THADA: variants seen among roughly 807,000 people sequenced by gnomAD.
THADA encodes THADA armadillo repeat containing, also known as tRNA (32-2'-O)-methyltransferase regulator THADA.
A neutral mutation model predicts 219.8 loss-of-function variants in THADA; 213 were observed. That is an observed-to-expected ratio of 0.97 (90% CI 0.87 to 1.09). The LOEUF (loss-of-function observed/expected upper bound fraction) is 1.09, where lower values mean the gene tolerates loss of function less well. Among genes scored for constraint, THADA ranks in the 50% least tolerant of loss-of-function variants. THADA has a pLI of 0.00. For missense variants in THADA, 2,956 were observed against 2,311.3 expected (o/e 1.28, Z -5.72); for synonymous variants, 1,018 against 828.9 (o/e 1.23, Z -3.92).
intron 29 of THADA, among the ~76,000 whole-genome samples, chr2:43,387,550 T>C (rs1672841384): frequency 6.6e-6 from 1 of 152,128 alleles, no homozygotes; most frequent in South Asian, 2.1e-4. Context: ...TCTTTGGTGG[T>C]TGCTGGTATT....
At chr2:43,370,542 T>C (rs1670680889) in intron 29 of THADA, among the ~76,000 whole-genome samples, 2 of 152,270 alleles carry the variant, frequency 1.3e-5, no homozygotes, top group South Asian at 4.1e-4. Flanking sequence ...TAGATTAAAA[T>C]ATAAATTATA....
intron 36 of THADA, among the ~76,000 whole-genome samples, chr2:43,261,045 C>T (rs983181648): frequency 4.6e-5 from 7 of 151,714 alleles, no homozygotes; most frequent in African/African-American, 7.3e-5. Flanking sequence ...TTATTTTACC[C>T]GATATGTAAA....
chr2:43,583,930 C>G (rs1700732261), intron 7 of THADA, among the ~76,000 whole-genome samples: 2 of 150,786 alleles, frequency 1.3e-5, no homozygotes, highest in African/African-American at 4.9e-5. Flanking sequence ...GGCCCAGCTA[C>G]TCCAGAGGCT....
chr2:43,285,224 G>A (rs1033114337), intron 35 of THADA, among the ~76,000 whole-genome samples: 1 of 152,190 alleles, frequency 6.6e-6, no homozygotes, highest in African/African-American at 2.4e-5. Flanking sequence ...GGAGGGGCCT[G>A]GGGCAAAATG....
chr2:43,271,612 CTTTT>C (rs11365531), intron 36 of THADA, among the ~76,000 whole-genome samples: 8 of 118,596 alleles, frequency 6.7e-5, no homozygotes, highest in African/African-American at 1.7e-4. Context: ...ACTCTTGGAA[CTTTT>C]TTTTTTTTTT....
chr2:43,367,172 G>T (rs1208932632), intron 29 of THADA, among the ~76,000 whole-genome samples: 1 of 152,142 alleles, frequency 6.6e-6, no homozygotes, highest in Non-Finnish European at 1.5e-5. Context: ...GTTGCTAGGG[G>T]CTGAGAGAAA....
intron 22 of THADA, among the ~76,000 whole-genome samples, chr2:43,518,718 C>A (rs1023574392): frequency 6.6e-6 from 1 of 152,084 alleles, no homozygotes; most frequent in Non-Finnish European, 1.5e-5. Flanking sequence ...CTTTCTTAAG[C>A]CTCTTTAGGA....
intron 22 of THADA, among the ~76,000 whole-genome samples, chr2:43,515,149 T>TATA (rs1691333904): frequency 1.3e-3 from 1 of 798 alleles, no homozygotes; most frequent in African/African-American, 7.1e-3. Context: ...TATAATATAT[T>TATA]TTATATATTA....
At chr2:43,535,050 G>A (rs1166505984) in intron 21 of THADA, among the ~76,000 whole-genome samples, 1 of 151,728 alleles carries the variant, frequency 6.6e-6, no homozygotes, top group Non-Finnish European at 1.5e-5. Context: ...TAACTGGAAT[G>A]AAATGATATC....
chr2:43,534,177 G>C (rs1014424232), intron 21 of THADA, among the ~76,000 whole-genome samples: 15 of 151,930 alleles, frequency 9.9e-5, no homozygotes, highest in Admixed American at 9.8e-4. Flanking sequence ...ATTTTTTAAA[G>C]CATTTTTAAA....
At chr2:43,446,079 A>C (rs1249132921) in intron 26 of THADA, among the ~76,000 whole-genome samples, 2 of 152,198 alleles carry the variant, frequency 1.3e-5, no homozygotes, top group Admixed American at 6.5e-5. Flanking sequence ...TGAATTCTTC[A>C]TGTGTGCAAG....
chr2:43,566,727 G>C lies in THADA; in HGVS notation c.2282C>G (p.Ser761Ter), dbSNP rs1266285359. The change falls in exon 15 of 38, where the codon TCA becomes TGA. Residue 761 changes from serine (S) to a stop codon, truncating the protein, a stop_gained. Transcript: ENST00000405975. LOFTEE classifies it high-confidence loss of function. ...TRFSALTILGSIAEVFHVPEG... is the reference protein window; with the variant it reads ...TRFSALTILG ...TGGGACATGAAAAACTTCAGCTATT[G>C]AACCTAAAATGGTTAAAGCTGAAAA... The C allele has an allele frequency of 1.2e-6, 2 of 1,601,096 alleles. No individual in the cohort carries two copies. Among genetic ancestry groups the C allele is most frequent in the East Asian group, 2.2e-5 (1 of 44,526 alleles).
chr2:43,319,903 C>G (rs989627915), intron 31 of THADA, among the ~76,000 whole-genome samples: 2 of 152,134 alleles, frequency 1.3e-5, no homozygotes, highest in Non-Finnish European at 2.9e-5. Context: ...AAAAGAAAAA[C>G]CACTTTGCAA....
chr2:43,553,667 A>G (rs1697011716), intron 17 of THADA, among the ~76,000 whole-genome samples: 1 of 152,212 alleles, frequency 6.6e-6, no homozygotes, highest in South Asian at 2.1e-4. Context: ...TGGTAACTCT[A>G]TGTTTAGCCT....
chr2:43,522,886 A>T (rs1692671311), intron 22 of THADA, among the ~76,000 whole-genome samples: 1 of 152,168 alleles, frequency 6.6e-6, no homozygotes, highest in African/African-American at 2.4e-5. Context: ...GCGCCACTGC[A>T]GTCCAGCCTG....
intron 22 of THADA, among the ~76,000 whole-genome samples, chr2:43,510,906 G>T (rs1690329286): frequency 6.6e-6 from 1 of 151,470 alleles, no homozygotes; most frequent in Non-Finnish European, 1.5e-5. Flanking sequence ...AGGAAGCAGA[G>T]ACTGCAGCGA....
chr2:43,337,034 TC>T (rs1359738397), intron 30 of THADA, among the ~76,000 whole-genome samples: 3 of 152,154 alleles, frequency 2.0e-5, no homozygotes, highest in Non-Finnish European at 4.4e-5. Context: ...TGAAATTTCC[TC>T]AGTTTAAAAT....
chr2:43,270,277 C>G (rs1009694066), intron 36 of THADA, among the ~76,000 whole-genome samples: 1 of 152,248 alleles, frequency 6.6e-6, no homozygotes, highest in Admixed American at 6.5e-5. Flanking sequence ...GGCTCTAAAA[C>G]CCTCGAGTCC....
rs754945039 is a variant in THADA, at chr2:43,292,895, T to C, written c.4757A>G (p.Asn1586Ser). The change falls in exon 32 of 38, where the codon AAC (asparagine) becomes AGC (serine). Residue 1586 changes from asparagine (N) to serine (S), a missense_variant. Transcript: ENST00000405975. ...GEKGVPPLLCNMGEKFLLLAM... is the reference protein window; with the variant it reads ...GEKGVPPLLCSMGEKFLLLAM... Reference sequence around the variant, plus strand: ...CAACAATAAGAACTTCTCTCCCATGTTGCACAGCAAGGGTGGCACGCCCTT... The same window carrying C: ...CAACAATAAGAACTTCTCTCCCATGCTGCACAGCAAGGGTGGCACGCCCTT... 6.2e-7 allele frequency: 1 copy of C among 1,614,014 alleles called. No individual in the cohort carries two copies. Among genetic ancestry groups the C allele is most frequent in the Non-Finnish European group, 8.5e-7 (1 of 1,179,894 alleles).
Sources: allele counts gnomAD v4.1 joint callset (sites outside exome capture counted in the v4.1 genomes callset), GRCh38; gene constraint gnomAD v4.1.1; transcripts MANE v1.5; gene names NCBI Gene and HGNC (gene_info 2026-07-23, HGNC 2026-07-21).